Variants in SEMA5A observed in about 807,000 individuals in gnomAD.
SEMA5A encodes the protein semaphorin-5A.
Under a neutral mutation model 135.5 loss-of-function variants are expected in SEMA5A, and 55 were observed. That is an observed-to-expected ratio of 0.41 (90% confidence interval 0.33 to 0.51). The LOEUF (loss-of-function observed/expected upper bound fraction) is 0.51, where lower values mean the gene tolerates loss of function less well. Ranked by LOEUF, SEMA5A falls within the 20% of genes least tolerant of loss-of-function variation. The pLI, the probability that SEMA5A is intolerant of heterozygous loss-of-function variation, is 0.37. For synonymous variants in SEMA5A, 580 were observed against 546.5 expected (o/e 1.06, Z -0.85); for missense variants, 1,290 against 1,419.9 (o/e 0.91, Z 1.47).
At chr5:9,280,447 ACACAGCCCTTGCAGAAC>A (rs1157454043) in intron 5 of SEMA5A, among the ~76,000 whole-genome samples, 1 of 152,212 alleles carries the variant, frequency 6.6e-6, no homozygotes, top group Non-Finnish European at 1.5e-5. Flanking sequence ...GGCCCAGGTC[ACACAGCCCTTGCAGAAC>A]CAGGACTCCC....
rs183150221 is a variant in SEMA5A, at chr5:9,280,073, T to G, written c.270+38299A>C. Among the ~76,000 whole-genome samples the G allele has an allele frequency of 1.4e-4, 22 of 152,294 alleles. No individual in the cohort carries two copies. The East Asian group carries it at 4.3e-3, about 29-fold the overall frequency. ...CTGAGGGACAGGATTTTAGAGCAAT[T>G]TCTTTTAACATGTATTTTTTCTTGG... On this transcript the variant is annotated intron_variant, in intron 5 of 22. Transcript: ENST00000382496.
intron 3 of SEMA5A, among the ~76,000 whole-genome samples, chr5:9,348,928 C>A (rs1753992946): frequency 6.6e-6 from 1 of 152,196 alleles, no homozygotes; most frequent in Non-Finnish European, 1.5e-5. Flanking sequence ...TGCCAGACCT[C>A]AGCTTTAAGA....
At chr5:9,059,338 G>C (rs1415157619) in intron 18 of SEMA5A, among the ~76,000 whole-genome samples, 1 of 152,138 alleles carries the variant, frequency 6.6e-6, no homozygotes, top group Admixed American at 6.5e-5. Context: ...TGAGGAAAAG[G>C]AGTGAAGAAG....
At chr5:9,451,185 C>G (rs757231421) in intron 1 of SEMA5A, among the ~76,000 whole-genome samples, 2 of 152,216 alleles carry the variant, frequency 1.3e-5, no homozygotes, top group Admixed American at 6.5e-5. Context: ...TCTAGCCACT[C>G]TGCTGCATGC....
intron 3 of SEMA5A, among the ~76,000 whole-genome samples, chr5:9,346,359 C>A (rs999052243): frequency 6.6e-6 from 1 of 152,154 alleles, no homozygotes; most frequent in East Asian, 1.9e-4. Flanking sequence ...CATTTACCAC[C>A]CTTCAGTTCG....
At chr5:9,194,713 G>A (rs1745296503) in intron 10 of SEMA5A, among the ~76,000 whole-genome samples, 1 of 152,188 alleles carries the variant, frequency 6.6e-6, no homozygotes, top group South Asian at 2.1e-4. Context: ...ATAATACTCA[G>A]AGAAGAACAG....
intron 9 of SEMA5A, among the ~76,000 whole-genome samples, chr5:9,199,826 T>C (rs1328367554): frequency 6.6e-6 from 1 of 152,210 alleles, no homozygotes; most frequent in Non-Finnish European, 1.5e-5. Flanking sequence ...GACTCCATTG[T>C]AGTAGCACAC....
intron 5 of SEMA5A, among the ~76,000 whole-genome samples, chr5:9,313,534 T>C (rs1752238860): frequency 6.6e-6 from 1 of 152,208 alleles, no homozygotes; most frequent in Non-Finnish European, 1.5e-5. Context: ...CCATCTGTTT[T>C]GACTCTACCA....
chr5:9,294,882 C>T (rs1167681479), intron 5 of SEMA5A, among the ~76,000 whole-genome samples: 1 of 152,182 alleles, frequency 6.6e-6, no homozygotes, highest in African/African-American at 2.4e-5. Flanking sequence ...TCCTTCTCTT[C>T]CACCACCAGA....
intron 5 of SEMA5A, among the ~76,000 whole-genome samples, chr5:9,272,013 G>C (rs746740702): frequency 5.3e-5 from 8 of 152,058 alleles, no homozygotes; most frequent in Non-Finnish European, 7.4e-5. Flanking sequence ...CAGCGAGACA[G>C]AATCATTCAC....
chr5:9,293,190 G>C (rs76647883), intron 5 of SEMA5A, among the ~76,000 whole-genome samples: 19,939 of 150,774 alleles, frequency 0.13, 1,369 homozygotes, highest in South Asian at 0.2. Flanking sequence ...GAGCTCTCAG[G>C]TCTCTCTCTC....
At chr5:9,494,740 C>T (rs1049047221) in intron 1 of SEMA5A, among the ~76,000 whole-genome samples, 7 of 152,204 alleles carry the variant, frequency 4.6e-5, no homozygotes, top group Middle Eastern at 3.4e-3. Context: ...GATTGTATAA[C>T]GTGTTCCTGT....
chr5:9,347,541 C>T (rs1753929823), intron 3 of SEMA5A, among the ~76,000 whole-genome samples: 1 of 152,042 alleles, frequency 6.6e-6, no homozygotes, highest in African/African-American at 2.4e-5. Context: ...TTGTGTCACA[C>T]ATTTTTTTCT....
intron 4 of SEMA5A, among the ~76,000 whole-genome samples, chr5:9,320,686 C>G (rs971911917): frequency 6.6e-6 from 1 of 152,194 alleles, no homozygotes; most frequent in Non-Finnish European, 1.5e-5. Flanking sequence ...TCACTGCACT[C>G]CAGCCTGGGT....
chr5:9,544,000 A>G (rs1248234609), intron 1 of SEMA5A, among the ~76,000 whole-genome samples: 1 of 152,218 alleles, frequency 6.6e-6, no homozygotes, highest in African/African-American at 2.4e-5. Flanking sequence ...GTCATGATAA[A>G]CATTACACTC....
At chr5:9,254,807 A>G (rs1231008058) in intron 5 of SEMA5A, among the ~76,000 whole-genome samples, 1 of 152,140 alleles carries the variant, frequency 6.6e-6, no homozygotes, top group Non-Finnish European at 1.5e-5. Flanking sequence ...CGCAGTTTAG[A>G]AGGATGACTT....
intron 3 of SEMA5A, among the ~76,000 whole-genome samples, chr5:9,364,819 G>A (rs1051433651): frequency 2.0e-5 from 3 of 152,050 alleles, no homozygotes; most frequent in East Asian, 1.9e-4. Flanking sequence ...TTTGAATTTC[G>A]AGTCATTCAA....
At chr5:9,198,310 C>G (rs1745526524) in intron 9 of SEMA5A, among the ~76,000 whole-genome samples, 1 of 152,088 alleles carries the variant, frequency 6.6e-6, no homozygotes, top group African/African-American at 2.4e-5. Context: ...TTCATTTAAT[C>G]CTCATAAGGT....
intron 1 of SEMA5A, among the ~76,000 whole-genome samples, chr5:9,519,067 G>C (rs906043374): frequency 6.6e-6 from 1 of 152,162 alleles, no homozygotes; most frequent in Non-Finnish European, 1.5e-5. Context: ...GCATATTTAT[G>C]TGAGTTTTTG....
Sources: gnomAD v4.1 joint callset for allele counts (sites outside exome capture counted in the v4.1 genomes callset) on GRCh38, gnomAD v4.1.1 for gene constraint, MANE v1.5 for transcripts, NCBI Gene and HGNC (gene_info 2026-07-23, HGNC 2026-07-21) for gene names.